Variants in BCORL1 observed in about 807,000 individuals in gnomAD.
The protein encoded by BCORL1 is BCL-6 corepressor-like protein 1.
In BCORL1, 7 loss-of-function variants were observed where a neutral mutation model predicts 87.6. The ratio of observed to expected loss-of-function variants is 0.08; its 90% CI spans 0.05 to 0.15. BCORL1 has a LOEUF of 0.15. BCORL1 is among the 10% of genes least tolerant of loss of function. The pLI, the probability that BCORL1 is intolerant of heterozygous loss-of-function variation, is 1.00. For synonymous variants in BCORL1, 591 were observed against 634.4 expected, an observed-to-expected ratio of 0.93 and a Z score of 1.03; for missense variants, 1,215 against 1,499.7, an observed-to-expected ratio of 0.81 and a Z score of 3.13.
At chrX:130,053,500 T>A (rs1306622700) in intron 13 of BCORL1, among the ~76,000 whole-genome samples, 1 of 111,639 alleles carries the variant, frequency 9.0e-6, no homozygotes, top group Non-Finnish European at 1.9e-5. Flanking sequence ...TGAAACAGGA[T>A]CTTGGGCTTC....
intron 1 of BCORL1, among the ~76,000 whole-genome samples, chrX:130,004,704 AC>A (rs1443912191): frequency 8.9e-6 from 1 of 112,097 alleles, no homozygotes; most frequent in African/African-American, 3.2e-5. Context: ...TGAAGGACTT[AC>A]GAAAAAAAGC....
chrX:130,009,563 C>T (rs745975833), intron 2 of BCORL1, among the ~76,000 whole-genome samples: 1 of 110,279 alleles, frequency 9.1e-6, no homozygotes, highest in Non-Finnish European at 1.9e-5. Context: ...GGAAAGTCTC[C>T]CAGGACTGGA....
At chrX:130,012,848 G>A in intron 3 of BCORL1, 102 bp from the exon 4 acceptor site, 1 of 1,120,032 alleles carries the variant, frequency 8.9e-7, no homozygotes, top group Non-Finnish European at 1.2e-6. Context: ...GACCTGGTTG[G>A]TCGAGTTGCA....
chrX:129,986,846 CAAAAAAA>C (rs1198199808), intron 1 of BCORL1, among the ~76,000 whole-genome samples: 2 of 108,821 alleles, frequency 1.8e-5, no homozygotes, highest in Admixed American at 9.7e-5. Flanking sequence ...AACAAAAAAA[CAAAAAAA>C]GAAAAAAGAA....
intron 1 of BCORL1, among the ~76,000 whole-genome samples, chrX:129,984,193 T>C (rs1926396209): frequency 9.7e-6 from 1 of 102,764 alleles, no homozygotes. Context: ...CCGCCGCCGC[T>C]GCTGCTCCTG....
At chrX:130,042,988 T>TAA (rs60021846) in intron 11 of BCORL1, among the ~76,000 whole-genome samples, 8,564 of 102,867 alleles carry the variant, frequency 0.083, 925 homozygotes, top group African/African-American at 0.29. Flanking sequence ...ATTAATTAAT[T>TAA]AAAAAAAATA....
chrX:130,011,903 A>C (rs1929005443), intron 2 of BCORL1, among the ~76,000 whole-genome samples: 1 of 110,768 alleles, frequency 9.0e-6, no homozygotes, highest in African/African-American at 3.3e-5. Flanking sequence ...CTCTAGAAAA[A>C]AGGGGGCAGT....
chrX:130,034,803 G>A (rs1229336021), intron 9 of BCORL1, 127 bp downstream of exon 9: 1 of 402,964 alleles, frequency 2.5e-6, no homozygotes, highest in Non-Finnish European at 3.9e-6. Flanking sequence ...ATTGCCCTGG[G>A]GCTGCCTTGC....
chrX:130,034,274 C>G (rs1172371745), intron 8 of BCORL1, among the ~76,000 whole-genome samples, 181 bp from the exon 9 acceptor site: 2 of 112,113 alleles, frequency 1.8e-5, no homozygotes, highest in Non-Finnish European at 3.8e-5. Flanking sequence ...TGGTTAGCGC[C>G]TGGCCCAGCG....
chrX:130,050,901 A>G lies in BCORL1; in HGVS notation c.4918+107A>G, dbSNP rs7060657. The G allele has an allele frequency of 0.029, 19,114 of 662,748 alleles. 2,453 individuals are homozygous for G. The African/African-American group carries it at 0.37, about 13-fold the overall frequency. The allele number at this position is 662,748 out of a possible 1,213,427, so 54.6% of individuals were successfully genotyped here. On this transcript the variant is annotated intron_variant, in intron 12 of 13. Transcript: ENST00000540052. ...AGTGGCTTACAGACCCTTTCAGACC[A>G]AACCTGAACCTGAACCCATCCTTCC... is the stretch of plus-strand genomic sequence containing the variant.
intron 13 of BCORL1, among the ~76,000 whole-genome samples, chrX:130,053,614 C>A (rs1023022371): frequency 1.3e-4 from 15 of 111,819 alleles, no homozygotes; most frequent in African/African-American, 4.5e-4. Flanking sequence ...ACGTGGTTAG[C>A]CCAGAGCCCG....
intron 1 of BCORL1, among the ~76,000 whole-genome samples, chrX:130,002,505 G>A (rs1414506116): frequency 6.1e-5 from 6 of 98,851 alleles, no homozygotes; most frequent in Non-Finnish European, 1.0e-4. Context: ...GGGAGGGACC[G>A]GAAGAGGGAG....
At chrX:130,027,120 C>T (rs1285810606) in intron 7 of BCORL1, among the ~76,000 whole-genome samples, 4 of 112,969 alleles carry the variant, frequency 3.5e-5, no homozygotes, top group African/African-American at 6.4e-5. Context: ...AATAAACACC[C>T]GAGCCTGCCC....
intron 2 of BCORL1, among the ~76,000 whole-genome samples, chrX:130,008,810 C>T (rs2124419969): frequency 8.9e-6 from 1 of 112,341 alleles, no homozygotes. Flanking sequence ...GCTTTGGCAG[C>T]TGCAATTGAG....
At chrX:130,002,955 A>C (rs913509487) in intron 1 of BCORL1, among the ~76,000 whole-genome samples, 3 of 110,310 alleles carry the variant, frequency 2.7e-5, no homozygotes. Flanking sequence ...AGGGCCCCGG[A>C]GAAGCCATCA....
intron 13 of BCORL1, among the ~76,000 whole-genome samples, chrX:130,054,867 C>T (rs1361276724): frequency 2.7e-5 from 3 of 110,493 alleles, no homozygotes; most frequent in Admixed American, 9.6e-5. Context: ...GCCGAGATTG[C>T]GCCACTGCAC....
At chrX:130,018,781 A>T (rs1027408087) in intron 4 of BCORL1, among the ~76,000 whole-genome samples, 7 of 112,520 alleles carry the variant, frequency 6.2e-5, no homozygotes, top group African/African-American at 2.3e-4. Flanking sequence ...AGCTCTTTGC[A>T]ACTGCCTGTA....
rs762505198 is a variant in BCORL1, at chrX:130,056,178, G to A, written c.*42G>A. ...TCCTCTTCTTTCTCCTTCCGAGTTC[G>A]CCCTTCCCCCACCTCCTTGTCTTTC... On this transcript the variant is annotated 3_prime_UTR_variant, in exon 14 of 14. Transcript: ENST00000540052. 6.2e-5 allele frequency: 68 copies of A among 1,103,864 alleles called. No homozygotes were observed. The South Asian group carries it at 6.6e-4, about 11-fold the overall frequency. The allele number at this position is 1,103,864 out of a possible 1,213,427, so 91.0% of individuals were successfully genotyped here.
At chrX:129,989,302 A>AT (rs34124916) in intron 1 of BCORL1, among the ~76,000 whole-genome samples, 11,892 of 71,666 alleles carry the variant, frequency 0.17, 1,266 homozygotes, top group East Asian at 0.2. Context: ...TGCCCGGCTA[A>AT]TTTTTTTTTT....
Sources: gnomAD v4.1 joint callset for allele counts (sites outside exome capture counted in the v4.1 genomes callset) on GRCh38, gnomAD v4.1.1 for gene constraint, MANE v1.5 for transcripts, NCBI Gene and HGNC (gene_info 2026-07-23, HGNC 2026-07-21) for gene names.